Variants in OXR1 observed in about 807,000 individuals in gnomAD.
The protein encoded by OXR1 is oxidation resistance protein 1.
In OXR1, 41 loss-of-function variants were observed where a neutral mutation model predicts 104.6. The ratio of observed to expected loss-of-function variants is 0.39; its 90% confidence interval spans 0.31 to 0.51. OXR1 has a LOEUF of 0.51. Among genes scored for constraint, OXR1 ranks in the 20% least tolerant of loss-of-function variants. The pLI, the probability that OXR1 is intolerant of heterozygous loss-of-function variation, is 0.77. For synonymous variants in OXR1, 348 were observed against 348.4 expected, an observed-to-expected ratio of 1.00 and a Z score of 0.01; for missense variants, 955 against 1,031.9, an observed-to-expected ratio of 0.93 and a Z score of 1.02.
At chr8:106,463,021 G>T (rs922245058) in intron 2 of OXR1, among the ~76,000 whole-genome samples, 4 of 152,014 alleles carry the variant, frequency 2.6e-5, no homozygotes, top group Non-Finnish European at 5.9e-5. Flanking sequence ...GGTTCAGAGG[G>T]TTTAAAATGA....
intron 3 of OXR1, among the ~76,000 whole-genome samples, chr8:106,653,350 A>G (rs780758075): frequency 1.3e-4 from 19 of 151,792 alleles, no homozygotes; most frequent in South Asian, 2.1e-4. Context: ...TATTATGAAT[A>G]TAGACAAAAA....
At chr8:106,281,673 G>C (rs774881256) in intron 1 of OXR1, among the ~76,000 whole-genome samples, 1 of 151,948 alleles carries the variant, frequency 6.6e-6, no homozygotes, top group African/African-American at 2.4e-5. Flanking sequence ...ACTGGCGCAC[G>C]CCTGTAGTCC....
At chr8:106,478,982 C>T (rs558969672) in intron 2 of OXR1, among the ~76,000 whole-genome samples, 10 of 151,916 alleles carry the variant, frequency 6.6e-5, no homozygotes, top group Admixed American at 5.3e-4. Context: ...CTCTTCCAGT[C>T]CCATACTTTT....
At chr8:106,749,647 A>G (rs1835708568) in intron 16 of OXR1, among the ~76,000 whole-genome samples, 1 of 152,136 alleles carries the variant, frequency 6.6e-6, no homozygotes, top group East Asian at 1.9e-4. Flanking sequence ...ATAACTGCCC[A>G]TATTTTTTAA....
chr8:106,500,450 G>A (rs1224323317), intron 2 of OXR1, among the ~76,000 whole-genome samples: 1 of 152,194 alleles, frequency 6.6e-6, no homozygotes, highest in Non-Finnish European at 1.5e-5. Flanking sequence ...GGTGCATGCA[G>A]CCCCTGTCAC....
intron 3 of OXR1, among the ~76,000 whole-genome samples, chr8:106,672,308 T>C (rs1411606686): frequency 6.8e-6 from 1 of 146,068 alleles, no homozygotes; most frequent in Non-Finnish European, 1.5e-5. Flanking sequence ...TGAAACTCTG[T>C]CTCTACTAAA....
intron 10 of OXR1, 49 bp downstream of exon 10, chr8:106,710,839 C>G (rs1450584853): frequency 3.4e-6 from 4 of 1,178,802 alleles, no homozygotes; most frequent in African/African-American, 1.6e-5. Flanking sequence ...ATTCTTTGAA[C>G]TAAAATTATT....
chr8:106,692,613 G>A lies in OXR1; in HGVS notation c.526-115G>A, dbSNP rs34981934. ...TATTTCGGGCTGACTTCCAGAATGC[G>A]GTGAAATGAAACAACACTTATTGGG... On this transcript the variant is annotated intron_variant, in intron 6 of 16. Transcript: ENST00000517566. The A allele has an allele frequency of 7.1e-4, 381 of 539,196 alleles. 2 individuals are homozygous for A. In the East Asian group the frequency reaches 0.011, roughly 15 times the overall value. The allele number at this position is 539,196 out of a possible 1,614,324, so 33.4% of individuals were successfully genotyped here.
chr8:106,470,762 A>T (rs942608864), intron 2 of OXR1, among the ~76,000 whole-genome samples: 5 of 151,774 alleles, frequency 3.3e-5, no homozygotes, highest in African/African-American at 7.2e-5. Flanking sequence ...AGCAAAAGAG[A>T]CTGAGAAGAA....
chr8:106,439,597 C>T (rs1345803331), intron 2 of OXR1, among the ~76,000 whole-genome samples: 2 of 151,886 alleles, frequency 1.3e-5, no homozygotes, highest in Non-Finnish European at 2.9e-5. Context: ...TTATGAATTC[C>T]CATGTAGCTA....
intron 2 of OXR1, among the ~76,000 whole-genome samples, chr8:106,479,211 G>A (rs1821971075): frequency 6.6e-6 from 1 of 151,930 alleles, no homozygotes; most frequent in Non-Finnish European, 1.5e-5. Flanking sequence ...GAATAATACA[G>A]TGTTAGTATC....
intron 2 of OXR1, among the ~76,000 whole-genome samples, chr8:106,436,161 G>A (rs1166046579): frequency 6.6e-6 from 1 of 152,018 alleles, no homozygotes; most frequent in Non-Finnish European, 1.5e-5. Flanking sequence ...AGTAGCAAAA[G>A]CCATAGCTAC....
At chr8:106,637,761 CTTT>C (rs71307078) in intron 3 of OXR1, among the ~76,000 whole-genome samples, 3 of 128,396 alleles carry the variant, frequency 2.3e-5, no homozygotes, top group Non-Finnish European at 4.9e-5. Flanking sequence ...ATAGTTTCGA[CTTT>C]TTTTTTTTTT....
In OXR1 at chr8:106,668,132, T is replaced by C. The variant is rs1195565502; in HGVS notation, c.221-11078T>C. Among the ~76,000 whole-genome samples, 6 of 152,316 alleles carry C rather than the reference T, an allele frequency of 3.9e-5. No individual in the cohort carries two copies. The East Asian group carries it at 1.2e-3, about 29-fold the overall frequency. ...TACTCATTTTACTATTTTTACATTG[T>C]CCATGTTTGTAACATTCATACTTAG... On this transcript the variant is annotated intron_variant, in intron 3 of 16. Transcript: ENST00000517566.
At chr8:106,415,505 GTGTGTGTGTGTC>G (rs1468339103) in intron 2 of OXR1, among the ~76,000 whole-genome samples, 4 of 151,906 alleles carry the variant, frequency 2.6e-5, no homozygotes, top group Non-Finnish European at 5.9e-5. Context: ...GTGTGTGTGT[GTGTGTGTGTGTC>G]TGTGTGTGTA....
intron 3 of OXR1, among the ~76,000 whole-genome samples, chr8:106,648,401 A>G (rs1225111190): frequency 6.6e-6 from 1 of 152,238 alleles, no homozygotes; most frequent in South Asian, 2.1e-4. Flanking sequence ...AAACATTACA[A>G]ACCAATGTTT....
intron 3 of OXR1, among the ~76,000 whole-genome samples, chr8:106,604,620 G>C (rs1407205291): frequency 6.6e-6 from 1 of 152,160 alleles, no homozygotes; most frequent in Non-Finnish European, 1.5e-5. Flanking sequence ...TTGATAGCGT[G>C]ACCTTAAACT....
intron 3 of OXR1, among the ~76,000 whole-genome samples, chr8:106,590,197 T>C (rs1190789607): frequency 6.6e-6 from 1 of 152,254 alleles, no homozygotes; most frequent in Admixed American, 6.5e-5. Flanking sequence ...TATCTTCAAG[T>C]CCTTTTTGAA....
chr8:106,739,675 C>A, intron 13 of OXR1, 92 bp downstream of exon 13: 1 of 1,189,806 alleles, frequency 8.4e-7, no homozygotes, highest in Non-Finnish European at 1.2e-6. Flanking sequence ...GAAGCAACAG[C>A]GTTAATGCTA....
Sources: allele counts gnomAD v4.1 joint callset (sites outside exome capture counted in the v4.1 genomes callset), GRCh38; gene constraint gnomAD v4.1.1; transcripts MANE v1.5; gene names NCBI Gene and HGNC (gene_info 2026-07-23, HGNC 2026-07-21).